VANGL1: variants seen among roughly 807,000 people sequenced by gnomAD.
The protein encoded by VANGL1 is VANGL planar cell polarity protein 1.
A neutral mutation model predicts 48.4 loss-of-function variants in VANGL1; 18 were observed. The ratio of observed to expected loss-of-function variants is 0.37; its 90% CI spans 0.26 to 0.55. The LOEUF is 0.55. VANGL1 is among the 20% of genes least tolerant of loss of function. VANGL1 has a pLI of 0.81. For missense variants in VANGL1, 667 were observed against 675.8 expected (o/e 0.99, Z 0.14); for synonymous variants, 257 against 261.8 (o/e 0.98, Z 0.18).
In VANGL1 at chr1:115,659,535, G is replaced by GTGTGTA. The variant is rs1443321335; in HGVS notation, c.72-102_72-97dup. On this transcript the variant is annotated intron_variant, in intron 2 of 7. Transcript: ENST00000355485. ...TGTGTGTGTGTGTGTGTGTGTGTGT[G>GTGTGTA]TGTGTATGTAGAATTTCCCTAAATT... is the stretch of plus-strand genomic sequence containing the variant. The GTGTGTA allele has an allele frequency of 1.6e-5, 20 of 1,238,624 alleles. No homozygotes were observed. The South Asian group carries it at 2.3e-4, about 14-fold the overall frequency. 76.7% of individuals were successfully genotyped at this position (1,238,624 alleles called of 1,614,324 possible). A position where few individuals can be genotyped will look rare whatever the true frequency, so the allele number is the denominator to read the frequency against.
intron 7 of VANGL1, among the ~76,000 whole-genome samples, chr1:115,688,131 G>C (rs1184264729): frequency 7.3e-6 from 1 of 137,782 alleles, no homozygotes; most frequent in Non-Finnish European, 1.6e-5. Flanking sequence ...TATATGTAGA[G>C]AGATATAGAT....
At position 115,682,399 on chromosome 1, in the gene VANGL1, A is replaced by T; in HGVS notation, c.848A>T (p.Tyr283Phe). The change falls in exon 5 of 8, where the codon TAC becomes TTC. Residue 283 changes from tyrosine (Y) to phenylalanine (F), a missense_variant. Coordinates refer to ENST00000355485, the MANE Select transcript of VANGL1 (RefSeq NM_138959.3). ...GCAGCATTGGTGGTCCTAGAAAATT[A>T]CTACAAAGATTTCACCATCTATAAC... ...QRAALVVLEN[Y>F]YKDFTIYNPN... is the part of the protein sequence containing the mutation. 2 of 1,614,192 alleles carry T rather than the reference A, an allele frequency of 1.2e-6. No individual in the cohort carries two copies. Among genetic ancestry groups the T allele is most frequent in the Non-Finnish European group, 1.7e-6 (2 of 1,180,036 alleles).
intron 4 of VANGL1, among the ~76,000 whole-genome samples, chr1:115,679,860 G>A (rs2101024327): frequency 6.6e-6 from 1 of 152,222 alleles, no homozygotes; most frequent in Non-Finnish European, 1.5e-5. Flanking sequence ...AAGTGAGTTT[G>A]AACCCCAGTG....
chr1:115,660,131 G>T (rs1468156772), intron 3 of VANGL1, among the ~76,000 whole-genome samples: 1 of 152,186 alleles, frequency 6.6e-6, no homozygotes, highest in Non-Finnish European at 1.5e-5. Flanking sequence ...AAAAAACATG[G>T]GGCAGCCCAG....
chr1:115,665,128 C>T (rs1652723874), intron 4 of VANGL1, among the ~76,000 whole-genome samples: 1 of 152,226 alleles, frequency 6.6e-6, no homozygotes, highest in South Asian at 2.1e-4. Context: ...ATAATGGCAT[C>T]TCTCACTTTG....
intron 6 of VANGL1, 51 bp from the exon 7 acceptor site, chr1:115,685,242 C>T: frequency 6.3e-7 from 1 of 1,599,832 alleles, no homozygotes; most frequent in Non-Finnish European, 8.6e-7. Flanking sequence ...TCTGTTCTCA[C>T]ACCCTGTGGC....
intron 4 of VANGL1, among the ~76,000 whole-genome samples, chr1:115,666,924 G>A (rs151200896): frequency 2.2e-4 from 34 of 152,324 alleles, no homozygotes; most frequent in Admixed American, 4.6e-4. Flanking sequence ...GTCACCTGCC[G>A]ATCCTTGGGC....
In VANGL1 at chr1:115,697,022, CT is replaced by C. The variant is rs1310781997; in HGVS notation, c.*5644del. On this transcript the variant is annotated 3_prime_UTR_variant, in exon 8 of 8. Coordinates refer to ENST00000355485, the MANE Select transcript of VANGL1 (RefSeq NM_138959.3). ...TGGTTTTGTATGTGCTTATCTTTAT[CT>C]GAGCTTTCACTTGTAGACATGGCCT... 2 of 152,136 alleles carry C rather than the reference CT, an allele frequency of 1.3e-5. No individual in the cohort carries two copies. The highest frequency in any genetic ancestry group is 2.9e-5 in the Non-Finnish European group (2 of 68,020). The allele number at this position is 152,136 out of a possible 1,614,324, so 9.4% of individuals were successfully genotyped here.
intron 2 of VANGL1, among the ~76,000 whole-genome samples, chr1:115,659,323 G>C (rs1377783055): frequency 6.6e-6 from 1 of 152,070 alleles, no homozygotes; most frequent in Non-Finnish European, 1.5e-5. Context: ...TTACAATAAA[G>C]TGTAACTAGC....
chr1:115,694,417 T>G lies in VANGL1; in HGVS notation c.*3038T>G. 6.6e-6 allele frequency: 1 copy of G among 152,332 alleles called. No individual in the cohort carries two copies. 9.4% of individuals were successfully genotyped at this position (152,332 alleles called of 1,614,324 possible). On this transcript the variant is annotated 3_prime_UTR_variant, in exon 8 of 8. Transcript: ENST00000355485. ...TCATTGCCTGGGGCTTGGGACTCCT[T>G]TTTTAATGGAGAGACTAGCTGTGCA...
intron 3 of VANGL1, among the ~76,000 whole-genome samples, chr1:115,662,546 C>T (rs186502883): frequency 7.1e-4 from 108 of 152,248 alleles, no homozygotes; most frequent in Non-Finnish European, 1.1e-3. Flanking sequence ...TAACTAGCAA[C>T]GGCCTAGAAG....
Position 115,686,070 on chromosome 1 carries a change from A to G in VANGL1, c.1314+543A>G, listed in dbSNP as rs144693199. ...CGTGTACCACATGCCAAGCTCATCT[A>G]CTCTCTACCATGCGATTTACATGCC... On this transcript the variant is annotated intron_variant, in intron 7 of 7. Coordinates refer to ENST00000355485, the MANE Select transcript of VANGL1 (RefSeq NM_138959.3). Among the ~76,000 whole-genome samples, 494 of 152,036 alleles carry G rather than the reference A, an allele frequency of 3.2e-3. 1 individual carries two copies. Among genetic ancestry groups the G allele is most frequent in the African/African-American group, 9.3e-3 (387 of 41,468 alleles).
chr1:115,656,517 A>G (rs1652360199), intron 2 of VANGL1, among the ~76,000 whole-genome samples: 1 of 152,220 alleles, frequency 6.6e-6, no homozygotes, highest in Non-Finnish European at 1.5e-5. Flanking sequence ...CATACCTAGG[A>G]TAGTTTTTCT....
intron 6 of VANGL1, among the ~76,000 whole-genome samples, chr1:115,685,083 G>A (rs1653545420): frequency 6.6e-6 from 1 of 152,136 alleles, no homozygotes; most frequent in Non-Finnish European, 1.5e-5. Flanking sequence ...AACCCCTGGG[G>A]CCCCTGTTCC....
At chr1:115,675,620 C>T (rs546431408) in intron 4 of VANGL1, among the ~76,000 whole-genome samples, 13 of 152,050 alleles carry the variant, frequency 8.5e-5, no homozygotes, top group Middle Eastern at 3.4e-3. Flanking sequence ...GCCAACATGG[C>T]GAAACCCCAT....
intron 4 of VANGL1, among the ~76,000 whole-genome samples, chr1:115,679,515 C>T (rs1218057114): frequency 2.6e-5 from 4 of 152,188 alleles, no homozygotes; most frequent in African/African-American, 2.4e-5. Flanking sequence ...TGCTGGAAGG[C>T]GGTGGGCCGG....
intron 7 of VANGL1, among the ~76,000 whole-genome samples, chr1:115,688,883 G>A (rs1232720580): frequency 7.5e-6 from 1 of 133,262 alleles, no homozygotes; most frequent in African/African-American, 2.9e-5. Context: ...TCCACCTCCC[G>A]GGTTCACACC....
chr1:115,664,349 G>T, intron 4 of VANGL1, 81 bp downstream of exon 4: 1 of 1,549,450 alleles, frequency 6.5e-7, no homozygotes. Context: ...GTGAGGGGTG[G>T]TGACAGATGC....
intron 7 of VANGL1, among the ~76,000 whole-genome samples, chr1:115,690,721 C>T (rs1260951428): frequency 6.6e-6 from 1 of 152,226 alleles, no homozygotes; most frequent in Non-Finnish European, 1.5e-5. Context: ...CCCGACACAG[C>T]CCTGGCCCTG....
Sources: allele counts gnomAD v4.1 joint callset (sites outside exome capture counted in the v4.1 genomes callset), GRCh38; gene constraint gnomAD v4.1.1; transcripts MANE v1.5; gene names NCBI Gene and HGNC (gene_info 2026-07-23, HGNC 2026-07-21).